The following TRIM71 variants were observed in gnomAD, a reference collection of about 807,000 sequenced individuals.
The protein encoded by TRIM71 is E3 ubiquitin-protein ligase TRIM71.
Under a neutral mutation model 61.2 loss-of-function variants are expected in TRIM71, and 9 were observed. The ratio of observed to expected loss-of-function variants is 0.15; its 90% CI spans 0.09 to 0.26. The LOEUF (loss-of-function observed/expected upper bound fraction) is 0.26. Among genes scored for constraint, TRIM71 ranks in the 10% least tolerant of loss-of-function variants. The pLI is 1.00. For synonymous variants in TRIM71, 645 were observed against 553.2 expected (o/e 1.17, Z -2.33); for missense variants, 998 against 1,238.7 (o/e 0.81, Z 2.92).
chr3:32,818,909 T>A lies in TRIM71; in HGVS notation c.829T>A (p.Phe277Ile), dbSNP rs761124072. ...CTCAGTGTTTCCCGAGCGCCTCGGC[T>A]TCTGCCAGCACCACGACGACGAGGT... is the stretch of plus-strand genomic sequence containing the variant. ...ILSVFPERLG[F>I]CQHHDDEVLH... The change falls in exon 1 of 4, where the codon TTC (phenylalanine) becomes ATC (isoleucine). Residue 277 changes from phenylalanine to isoleucine, a missense_variant. Phe to Ile is a conservative substitution (Grantham distance 21, BLOSUM62 0). Transcript: ENST00000383763. 2 of 1,612,648 alleles carry A rather than the reference T, an allele frequency of 1.2e-6. No homozygotes were observed. The highest frequency in any genetic ancestry group is 1.7e-6 in the Non-Finnish European group (2 of 1,179,836).
chr3:32,858,263 T>C (rs1170313568), intron 1 of TRIM71, among the ~76,000 whole-genome samples: 1 of 152,148 alleles, frequency 6.6e-6, no homozygotes, highest in African/African-American at 2.4e-5. Flanking sequence ...AATCAGGCCA[T>C]GGGTGAGAGT....
chr3:32,826,409 G>T (rs1352134656), intron 1 of TRIM71, among the ~76,000 whole-genome samples: 1 of 152,060 alleles, frequency 6.6e-6, no homozygotes, highest in Non-Finnish European at 1.5e-5. Context: ...TTGCACTCCA[G>T]TCTGGGCGAT....
intron 1 of TRIM71, among the ~76,000 whole-genome samples, chr3:32,846,072 C>CA (rs1696470727): frequency 1.1e-5 from 1 of 92,762 alleles, no homozygotes; most frequent in African/African-American, 4.2e-5. Context: ...TGGTAAGCCA[C>CA]TTTTTTTTTT....
intron 1 of TRIM71, among the ~76,000 whole-genome samples, chr3:32,857,160 G>C (rs1454586070): frequency 6.6e-6 from 1 of 152,176 alleles, no homozygotes; most frequent in Non-Finnish European, 1.5e-5. Flanking sequence ...CTTTCCCTGG[G>C]TCCCCTGTTC....
chr3:32,826,479 A>G (rs1696203151), intron 1 of TRIM71, among the ~76,000 whole-genome samples: 2 of 151,624 alleles, frequency 1.3e-5, no homozygotes, highest in Non-Finnish European at 2.9e-5. Context: ...AGAGATACTC[A>G]TATTAGACTT....
chr3:32,854,212 T>G (rs2125682901), intron 1 of TRIM71, among the ~76,000 whole-genome samples: 1 of 152,308 alleles, frequency 6.6e-6, no homozygotes, highest in East Asian at 1.9e-4. Context: ...CAGGGTGGTC[T>G]CAAACTCCTT....
At chr3:32,854,777 A>C (rs1336690765) in intron 1 of TRIM71, among the ~76,000 whole-genome samples, 1 of 152,206 alleles carries the variant, frequency 6.6e-6, no homozygotes, top group Non-Finnish European at 1.5e-5. Flanking sequence ...CTATTGCATA[A>C]GCCGTTATTT....
chr3:32,880,806 T>A (rs1348412654), intron 2 of TRIM71, among the ~76,000 whole-genome samples: 1 of 152,198 alleles, frequency 6.6e-6, no homozygotes, highest in Non-Finnish European at 1.5e-5. Flanking sequence ...TAAACTGATT[T>A]GCTGGGGATA....
At chr3:32,875,892 G>A (rs1486185811) in intron 2 of TRIM71, among the ~76,000 whole-genome samples, 1 of 152,156 alleles carries the variant, frequency 6.6e-6, no homozygotes, top group African/African-American at 2.4e-5. Context: ...TAACAGAAGA[G>A]GGAGGATTTG....
intron 1 of TRIM71, among the ~76,000 whole-genome samples, chr3:32,822,931 A>T (rs1294944646): frequency 6.6e-6 from 1 of 152,224 alleles, no homozygotes; most frequent in Non-Finnish European, 1.5e-5. Context: ...TAATTTCAAC[A>T]AATTTTTAAA....
chr3:32,833,980 C>A (rs1696304810), intron 1 of TRIM71, among the ~76,000 whole-genome samples: 1 of 152,080 alleles, frequency 6.6e-6, no homozygotes, highest in South Asian at 2.1e-4. Flanking sequence ...TTGAAAAGAG[C>A]CTTCAGGGAT....
chr3:32,868,060 T>C (rs1696758226), intron 1 of TRIM71, among the ~76,000 whole-genome samples: 1 of 152,158 alleles, frequency 6.6e-6, no homozygotes, highest in Non-Finnish European at 1.5e-5. Flanking sequence ...AACAAGACTT[T>C]TTCTTTCCTT....
intron 1 of TRIM71, among the ~76,000 whole-genome samples, chr3:32,851,244 T>G (rs1217235262): frequency 1.3e-5 from 2 of 152,238 alleles, no homozygotes; most frequent in Admixed American, 6.5e-5. Context: ...TGGTGAAATT[T>G]GAATTTCAGG....
At chr3:32,857,477 T>TGG in intron 1 of TRIM71, among the ~76,000 whole-genome samples, 1 of 152,304 alleles carries the variant, frequency 6.6e-6, no homozygotes, top group South Asian at 2.1e-4. Flanking sequence ...TTGAACAATG[T>TGG]GGGGGGTTAG....
chr3:32,853,783 G>A (rs1444189246), intron 1 of TRIM71, among the ~76,000 whole-genome samples: 1 of 152,200 alleles, frequency 6.6e-6, no homozygotes, highest in Non-Finnish European at 1.5e-5. Context: ...AAGGCAGGCA[G>A]ATCACTTGAG....
chr3:32,878,405 T>C (rs1475576956), intron 2 of TRIM71, among the ~76,000 whole-genome samples: 1 of 151,310 alleles, frequency 6.6e-6, no homozygotes, highest in Non-Finnish European at 1.5e-5. Flanking sequence ...GGATGAGGAG[T>C]TTGAGACCAG....
At chr3:32,839,936 C>T (rs1696385176) in intron 1 of TRIM71, among the ~76,000 whole-genome samples, 1 of 152,170 alleles carries the variant, frequency 6.6e-6, no homozygotes, top group Non-Finnish European at 1.5e-5. Flanking sequence ...GAGGACTCTA[C>T]TGGCGATTAG....
chr3:32,884,759 T>C (rs533208931), intron 2 of TRIM71, among the ~76,000 whole-genome samples: 2 of 152,292 alleles, frequency 1.3e-5, no homozygotes, highest in East Asian at 3.9e-4. Flanking sequence ...GTAAATTTTA[T>C]GATAGGAGCT....
intron 3 of TRIM71, among the ~76,000 whole-genome samples, chr3:32,887,774 T>C (rs532613774): frequency 1.3e-5 from 2 of 152,292 alleles, no homozygotes; most frequent in African/African-American, 4.8e-5. Context: ...AAATATTCTT[T>C]AATCTGTCCC....
Sources: allele counts gnomAD v4.1 joint callset (sites outside exome capture counted in the v4.1 genomes callset), GRCh38; gene constraint gnomAD v4.1.1; transcripts MANE v1.5; gene names NCBI Gene and HGNC (gene_info 2026-07-23, HGNC 2026-07-21).